OR3A3: variants seen among roughly 807,000 people sequenced by gnomAD.
The protein encoded by OR3A3 is olfactory receptor 3A3.
For missense variants in OR3A3, 275 were observed against 391.4 expected, an observed-to-expected ratio of 0.70 and a Z score of 2.51; for synonymous variants, 103 against 163.9, an observed-to-expected ratio of 0.63 and a Z score of 2.84.
At chr17:3,412,091 C>T (rs1251168006) in exon 2 of OR3A3, 1 of 152,334 alleles carries the variant, frequency 6.6e-6, no homozygotes, top group Non-Finnish European at 1.5e-5. Context: ...CTCACTCGCT[C>T]TCCGGGAGGA....
intron 2 of OR3A3, among the ~76,000 whole-genome samples, chr17:3,413,384 TCAAAAGAA>T (rs1417126417): frequency 6.6e-6 from 1 of 152,174 alleles, no homozygotes; most frequent in Non-Finnish European, 1.5e-5. Context: ...AATATCTTCT[TCAAAAGAA>T]CATATGTACA....
intron 2 of OR3A3, among the ~76,000 whole-genome samples, chr17:3,415,798 A>AATTATTATTATTATT (rs71153352): frequency 1.8e-4 from 16 of 90,584 alleles, no homozygotes; most frequent in South Asian, 9.2e-4. Flanking sequence ...CTTATTTTTA[A>AATTATTATTATTATT]ATTATTATTA....
rs192919701 is a variant in OR3A3, at chr17:3,416,421, T to C, written c.-6-4159T>C. On this transcript the variant is annotated intron_variant, in intron 2 of 2. Coordinates refer to ENST00000641141, the Ensembl canonical transcript of OR3A3. ...TTCTTTACTTTAACATAAATTTTTT[T>C]CTTTTCTTTTGAGCTAGTTATGCAC... Among the ~76,000 whole-genome samples, 139 of 151,582 alleles carry C rather than the reference T, an allele frequency of 9.2e-4. 1 individual carries two copies. Among genetic ancestry groups the C allele is most frequent in the African/African-American group, 2.7e-3 (110 of 41,426 alleles).
intron 2 of OR3A3, 71 bp from the exon 3 acceptor site, chr17:3,420,509 C>T: frequency 6.4e-7 from 1 of 1,567,312 alleles, no homozygotes; most frequent in Non-Finnish European, 8.7e-7. Context: ...GGGCTTTGAA[C>T]ATAAATGGTT....
At chr17:3,415,801 T>TAATAATAATA (rs1567583238) in intron 2 of OR3A3, among the ~76,000 whole-genome samples, 1 of 15,746 alleles carries the variant, frequency 6.4e-5, no homozygotes, top group African/African-American at 1.5e-4. Context: ...ATTTTTAAAT[T>TAATAATAATA]ATTATTATTA....
chr17:3,421,314 A>C, exon 3 of OR3A3: 1 of 1,614,168 alleles, frequency 6.2e-7, no homozygotes, highest in Non-Finnish European at 8.5e-7. Context: ...CCTTCTCCAC[A>C]TGTGGCTCCC....
At chr17:3,418,215 T>C (rs1365265131) in intron 2 of OR3A3, among the ~76,000 whole-genome samples, 17 of 152,202 alleles carry the variant, frequency 1.1e-4, no homozygotes, top group Admixed American at 1.1e-3. Flanking sequence ...TTCTCTCCTC[T>C]ACCCTCCCCA....
At chr17:3,412,758 G>A (rs576653960) in intron 2 of OR3A3, among the ~76,000 whole-genome samples, 1 of 152,192 alleles carries the variant, frequency 6.6e-6, no homozygotes, top group African/African-American at 2.4e-5. Context: ...CCCCTCCTAA[G>A]GGCCGTATTG....
intron 2 of OR3A3, among the ~76,000 whole-genome samples, chr17:3,413,830 CAAA>C: frequency 1.3e-5 from 1 of 75,024 alleles, no homozygotes; most frequent in Non-Finnish European, 3.4e-5. Context: ...CAAAAAAAAA[CAAA>C]AAAACAAAAA....
chr17:3,421,118 A>G (rs761505550), exon 3 of OR3A3: 3 of 1,614,064 alleles, frequency 1.9e-6, no homozygotes, highest in South Asian at 2.2e-5. Flanking sequence ...AATGAGGTCA[A>G]TCACTTCTAC....
chr17:3,422,651 C>G (rs1031902155), exon 3 of OR3A3: 1 of 152,278 alleles, frequency 6.6e-6, no homozygotes, highest in Non-Finnish European at 1.5e-5. Flanking sequence ...CCATTAATTC[C>G]TGATTCTCTC....
At chr17:3,420,844 C>T (rs772019823) in exon 3 of OR3A3, 10 of 1,415,524 alleles carry the variant, frequency 7.1e-6, no homozygotes, top group East Asian at 2.4e-5. Flanking sequence ...AATGTTGGGT[C>T]GTCTCTTGTC....
intron 2 of OR3A3, among the ~76,000 whole-genome samples, chr17:3,413,204 G>C (rs750798662): frequency 2.6e-5 from 4 of 152,204 alleles, no homozygotes; most frequent in Non-Finnish European, 5.9e-5. Context: ...GAAGCAGCAG[G>C]AGGGAGGCAA....
exon 3 of OR3A3, chr17:3,420,917 C>A (rs1401900756): frequency 1.2e-6 from 2 of 1,606,612 alleles, no homozygotes; most frequent in African/African-American, 2.7e-5. Flanking sequence ...CACCTTCTGG[C>A]TGGGATGGAC....
chr17:3,417,701 G>A (rs1186193603), intron 2 of OR3A3, among the ~76,000 whole-genome samples: 1 of 152,118 alleles, frequency 6.6e-6, no homozygotes, highest in Non-Finnish European at 1.5e-5. Context: ...TTCCTTCTAT[G>A]AAGATTTTAT....
At chr17:3,414,187 T>G (rs943037531) in intron 2 of OR3A3, among the ~76,000 whole-genome samples, 2 of 152,144 alleles carry the variant, frequency 1.3e-5, no homozygotes, top group Non-Finnish European at 2.9e-5. Flanking sequence ...TTCTCCTGCC[T>G]CAGCCACCCG....
exon 3 of OR3A3, chr17:3,423,171 TA>T (rs2150683266): frequency 6.6e-6 from 1 of 152,398 alleles, no homozygotes; most frequent in African/African-American, 2.4e-5. Flanking sequence ...ACCTGTACCA[TA>T]AGGGACTGGG....
At chr17:3,416,676 A>T (rs1039057913) in intron 2 of OR3A3, among the ~76,000 whole-genome samples, 1 of 152,110 alleles carries the variant, frequency 6.6e-6, no homozygotes, top group Non-Finnish European at 1.5e-5. Context: ...CTTGGAGTTC[A>T]GAAAAATAGA....
At chr17:3,417,776 C>T (rs1227708680) in intron 2 of OR3A3, among the ~76,000 whole-genome samples, 1 of 152,164 alleles carries the variant, frequency 6.6e-6, no homozygotes, top group Non-Finnish European at 1.5e-5. Context: ...TAAGCATCTT[C>T]TCATTCTATT....
Sources: allele counts gnomAD v4.1 joint callset (sites outside exome capture counted in the v4.1 genomes callset), GRCh38; gene constraint gnomAD v4.1.1; transcripts MANE v1.5; gene names NCBI Gene and HGNC (gene_info 2026-07-23, HGNC 2026-07-21).